Variants in NBEA observed in about 807,000 individuals in gnomAD.
The protein encoded by NBEA is neurobeachin.
Under a neutral mutation model 343.4 loss-of-function variants are expected in NBEA, and 44 were observed. That is an observed-to-expected ratio of 0.13 (90% CI 0.10 to 0.16). NBEA has a LOEUF of 0.16. NBEA is among the 10% of genes least tolerant of loss of function. NBEA has a pLI of 1.00. For missense variants in NBEA, 2,555 were observed against 3,631.3 expected, an observed-to-expected ratio of 0.70 and a Z score of 7.62; for synonymous variants, 1,175 against 1,238.7, an observed-to-expected ratio of 0.95 and a Z score of 1.08.
chr13:35,572,477 T>A (rs1459309453), intron 45 of NBEA, among the ~76,000 whole-genome samples: 3 of 152,220 alleles, frequency 2.0e-5, no homozygotes, highest in Non-Finnish European at 4.4e-5. Context: ...CAGGAGTTGT[T>A]TGACTGACAG....
intron 47 of NBEA, among the ~76,000 whole-genome samples, chr13:35,596,571 A>C (rs1008000461): frequency 3.9e-5 from 6 of 152,094 alleles, no homozygotes; most frequent in Non-Finnish European, 8.8e-5. Flanking sequence ...TGCTGAAGTG[A>C]CCTTTCAGGA....
chr13:35,422,222 C>A (rs9544298), intron 38 of NBEA, among the ~76,000 whole-genome samples: 1 of 150,528 alleles, frequency 6.6e-6, no homozygotes, highest in African/African-American at 2.5e-5. Context: ...TATGTATACA[C>A]GTGCCATGTT....
chr13:35,100,780 A>G (rs1480411723), intron 11 of NBEA, among the ~76,000 whole-genome samples: 2 of 152,032 alleles, frequency 1.3e-5, no homozygotes, highest in Admixed American at 1.3e-4. Flanking sequence ...GAATAAGATT[A>G]GACATTTTCA....
intron 6 of NBEA, among the ~76,000 whole-genome samples, chr13:35,052,153 CT>C: frequency 6.6e-6 from 1 of 152,028 alleles, no homozygotes; most frequent in South Asian, 2.1e-4. Flanking sequence ...TAAATATTTG[CT>C]TTTACTGTGT....
chr13:35,116,847 A>G (rs1022975966), intron 13 of NBEA, among the ~76,000 whole-genome samples: 1 of 152,060 alleles, frequency 6.6e-6, no homozygotes, highest in African/African-American at 2.4e-5. Context: ...GATAGAACTG[A>G]TATGCACATT....
chr13:35,184,930 G>T (rs2071586832), intron 30 of NBEA, among the ~76,000 whole-genome samples: 4 of 152,090 alleles, frequency 2.6e-5, no homozygotes, highest in Admixed American at 2.6e-4. Context: ...TAAATATGAT[G>T]GTGTTTACTC....
In NBEA at chr13:35,667,577, C is replaced by A. The variant is rs778230332; in HGVS notation, c.8661+7C>A. 4.3e-6 allele frequency: 7 copies of A among 1,612,596 alleles called. No homozygotes were observed. The South Asian group carries it at 7.7e-5, about 18-fold the overall frequency. ...GATCAATGATTCAACACGGGTAAAT[C>A]TGCATAGTTCGTGCTAAGTAGGACT... On this transcript the variant is annotated splice_region_variant and intron_variant, in intron 57 of 58. Coordinates refer to ENST00000379939, the MANE Select transcript of NBEA (RefSeq NM_001385012.1).
intron 1 of NBEA, among the ~76,000 whole-genome samples, chr13:34,944,709 C>G (rs1301505314): frequency 6.6e-6 from 1 of 152,158 alleles, no homozygotes; most frequent in Non-Finnish European, 1.5e-5. Context: ...AGTATGTTAG[C>G]AGGTAACTGT....
intron 38 of NBEA, among the ~76,000 whole-genome samples, chr13:35,416,697 C>CT (rs753002841): frequency 3.3e-5 from 5 of 152,098 alleles, no homozygotes; most frequent in East Asian, 1.9e-4. Context: ...CTAAAATTCT[C>CT]TCTTTTTTGT....
At chr13:35,459,015 CCCCACA>C (rs1326713848) in intron 40 of NBEA, among the ~76,000 whole-genome samples, 11 of 104,962 alleles carry the variant, frequency 1.0e-4, no homozygotes, top group African/African-American at 4.5e-4. Context: ...GCCCCCCCCC[CCCCACA>C]CACACACACA....
At chr13:34,977,306 T>C (rs1374625215) in intron 1 of NBEA, among the ~76,000 whole-genome samples, 3 of 151,232 alleles carry the variant, frequency 2.0e-5, no homozygotes, top group African/African-American at 7.3e-5. Context: ...GAATTGTACA[T>C]AATTATCTTT....
chr13:35,019,325 T>A (rs752954420), intron 1 of NBEA, among the ~76,000 whole-genome samples: 7 of 150,886 alleles, frequency 4.6e-5, no homozygotes, highest in Non-Finnish European at 5.9e-5. Flanking sequence ...TGAGACAGAG[T>A]CTCACTGTGT....
chr13:35,539,275 TA>T (rs2096201647), intron 41 of NBEA, among the ~76,000 whole-genome samples: 1 of 152,134 alleles, frequency 6.6e-6, no homozygotes, highest in African/African-American at 2.4e-5. Context: ...CAGGATCTCC[TA>T]GCTTAATCAT....
chr13:35,417,127 T>C (rs1391989432), intron 38 of NBEA, among the ~76,000 whole-genome samples: 2 of 152,202 alleles, frequency 1.3e-5, no homozygotes, highest in Non-Finnish European at 2.9e-5. Context: ...TCTTCTCTCT[T>C]TTCTTCTTTA....
At chr13:35,516,301 C>A (rs1566252473) in intron 41 of NBEA, among the ~76,000 whole-genome samples, 1 of 151,700 alleles carries the variant, frequency 6.6e-6, no homozygotes, top group Non-Finnish European at 1.5e-5. Context: ...AGGCTGATAG[C>A]CAGATAATAA....
intron 1 of NBEA, among the ~76,000 whole-genome samples, chr13:34,978,939 A>AT (rs1480778593): frequency 6.6e-5 from 10 of 152,150 alleles, no homozygotes; most frequent in African/African-American, 2.4e-4. Context: ...CCCATGAGTC[A>AT]TTTTAAGATT....
At chr13:35,413,149 G>A (rs572962269) in intron 38 of NBEA, among the ~76,000 whole-genome samples, 10 of 152,186 alleles carry the variant, frequency 6.6e-5, no homozygotes, top group Middle Eastern at 3.4e-3. Flanking sequence ...TTAGCTGGAG[G>A]AGGTCACATC....
intron 33 of NBEA, among the ~76,000 whole-genome samples, chr13:35,220,398 G>A (rs2074298871): frequency 6.6e-6 from 1 of 152,050 alleles, no homozygotes; most frequent in Admixed American, 6.6e-5. Flanking sequence ...GTGCAGGTTT[G>A]CCTGTCATGA....
At chr13:35,432,689 A>G (rs931041238) in intron 39 of NBEA, among the ~76,000 whole-genome samples, 7 of 151,894 alleles carry the variant, frequency 4.6e-5, no homozygotes, top group African/African-American at 1.7e-4. Flanking sequence ...AATAAAATCA[A>G]TTTCTTTCTC....
Sources: allele counts gnomAD v4.1 joint callset (sites outside exome capture counted in the v4.1 genomes callset), GRCh38; gene constraint gnomAD v4.1.1; transcripts MANE v1.5; gene names NCBI Gene and HGNC (gene_info 2026-07-23, HGNC 2026-07-21).